The following HERC4 variants were observed in gnomAD, a reference collection of about 807,000 sequenced individuals.
HERC4 encodes probable E3 ubiquitin-protein ligase HERC4.
A neutral mutation model predicts 124.3 loss-of-function variants in HERC4; 28 were observed. The observed-to-expected ratio is 0.23, with a 90% CI of 0.17 to 0.31. The LOEUF (loss-of-function observed/expected upper bound fraction) is 0.31, where lower values mean the gene tolerates loss of function less well. Ranked by LOEUF, HERC4 falls within the 10% of genes least tolerant of loss-of-function variation. The probability of loss-of-function intolerance (pLI) is 1.00; values close to 1 mark genes in which losing one functional copy is unlikely to be tolerated. For missense variants in HERC4, 713 were observed against 1,229.3 expected, an observed-to-expected ratio of 0.58 and a Z score of 6.28; for synonymous variants, 407 against 421.5, an observed-to-expected ratio of 0.97 and a Z score of 0.42.
intron 4 of HERC4, among the ~76,000 whole-genome samples, chr10:68,044,178 C>T (rs1359890561): frequency 6.7e-6 from 1 of 149,526 alleles, no homozygotes; most frequent in Admixed American, 6.6e-5. Flanking sequence ...TTTTTACAGA[C>T]ATAAATTCTA....
intron 23 of HERC4, among the ~76,000 whole-genome samples, chr10:67,928,717 T>C (rs2031438268): frequency 6.6e-6 from 1 of 151,816 alleles, no homozygotes; most frequent in South Asian, 2.1e-4. Context: ...GGTCAGGAGT[T>C]CAAGACCAGC....
rs756509007 is a variant in HERC4, at chr10:68,044,493, T to C, written c.297A>G (p.Leu99=). Residue 99 remains leucine (L), a synonymous_variant, in exon 4 of 25, where the codon CTA becomes CTG. Transcript: ENST00000373700. The part of the protein sequence containing the change: ...VSCGEAHTLA[L]NDKGQVYAWG... The stretch of plus-strand genomic sequence containing the variant: ...AAGCATACACCTGGCCTTTGTCATT[T>C]AGCGCTAACGTATGAGCTTCTCCAC... 22 of 1,614,152 alleles carry C rather than the reference T, an allele frequency of 1.4e-5. No individual in the cohort carries two copies. The highest frequency in any genetic ancestry group is 3.3e-4 in the Middle Eastern group (2 of 6,062).
At chr10:68,071,990 A>G (rs1045009058) in intron 3 of HERC4, among the ~76,000 whole-genome samples, 11 of 152,344 alleles carry the variant, frequency 7.2e-5, no homozygotes, top group African/African-American at 2.4e-4. Context: ...TCAAAAGCTG[A>G]GTAACAACAG....
chr10:68,029,348 C>T (rs977464727), intron 7 of HERC4, among the ~76,000 whole-genome samples: 6 of 151,958 alleles, frequency 3.9e-5, no homozygotes, highest in African/African-American at 1.4e-4. Flanking sequence ...GAAAATTAGC[C>T]AGGTGTGGTG....
rs5785843 is a variant in HERC4, at chr10:68,039,152, C to CAA, written c.387-985_387-984dup. ...TGAAACACTGTCTCTACTGAAAATA[C>CAA]AAAAAAAAAAAAAAAAAATTAGCAG... is the stretch of plus-strand genomic sequence containing the variant. On this transcript the variant is annotated intron_variant, in intron 4 of 24. Transcript: ENST00000373700. 4.5e-3 allele frequency among the ~76,000 whole-genome samples: 523 copies of CAA among 115,266 alleles called. 2 individuals carry two copies. The highest frequency in any genetic ancestry group is 0.014 in the African/African-American group (479 of 34,080). 75.6% of individuals were successfully genotyped at this position (115,266 alleles called of 152,430 possible).
chr10:68,039,567 T>C (rs2039657967), intron 4 of HERC4: 1 of 1,529,690 alleles, frequency 6.5e-7, no homozygotes, highest in South Asian at 1.2e-5. Flanking sequence ...TATTTTTATT[T>C]AGTGAAGTTA....
At chr10:68,059,391 A>T (rs868471845) in intron 3 of HERC4, among the ~76,000 whole-genome samples, 5 of 144,426 alleles carry the variant, frequency 3.5e-5, no homozygotes, top group Middle Eastern at 3.6e-3. Context: ...TAGGTCTTGC[A>T]CATTTCTTAC....
intron 7 of HERC4, among the ~76,000 whole-genome samples, chr10:68,026,315 C>G (rs567896274): frequency 7.2e-5 from 11 of 152,016 alleles, no homozygotes; most frequent in Non-Finnish European, 1.3e-4. Context: ...AGGCTGGTCT[C>G]GAACTCCTGG....
intron 9 of HERC4, among the ~76,000 whole-genome samples, chr10:68,001,260 T>C (rs2037213429): frequency 6.6e-6 from 1 of 151,794 alleles, no homozygotes; most frequent in African/African-American, 2.4e-5. Context: ...TAGTTCCAGC[T>C]ACTTAGGAGG....
intron 15 of HERC4, among the ~76,000 whole-genome samples, chr10:67,968,988 T>C (rs2035067336): frequency 6.6e-6 from 1 of 152,210 alleles, no homozygotes; most frequent in Non-Finnish European, 1.5e-5. Context: ...TTCACTAAGA[T>C]AGACCAAATC....
At chr10:67,973,251 C>T (rs568606318) in intron 15 of HERC4, among the ~76,000 whole-genome samples, 1 of 152,102 alleles carries the variant, frequency 6.6e-6, no homozygotes, top group Admixed American at 6.5e-5. Context: ...AGAACAGCAC[C>T]AGCTAAAGAG....
chr10:67,962,097 T>C (rs1484781203), intron 16 of HERC4, among the ~76,000 whole-genome samples: 1 of 152,042 alleles, frequency 6.6e-6, no homozygotes, highest in Non-Finnish European at 1.5e-5. Context: ...CACAGCAAAA[T>C]TGAAAGTAAG....
chr10:68,028,226 ATTCT>A (rs1408876508), intron 7 of HERC4, among the ~76,000 whole-genome samples: 1 of 151,428 alleles, frequency 6.6e-6, no homozygotes, highest in Non-Finnish European at 1.5e-5. Flanking sequence ...AGAATACTTG[ATTCT>A]TTCCCATTAT....
Position 67,924,770 on chromosome 10 carries a change from T to C in HERC4, c.2941+315A>G, listed in dbSNP as rs917338909. ...CCCCATGTATGCCAAAGGATGACTA[T>C]ACTCCAGAGATCTTTTTAGAAATCT... On this transcript the variant is annotated intron_variant, in intron 24 of 24. Transcript: ENST00000373700. Among the ~76,000 whole-genome samples, 3 of 152,230 alleles carry C rather than the reference T, an allele frequency of 2.0e-5. No homozygotes were observed. In the South Asian group the frequency reaches 6.2e-4, roughly 31 times the overall value.
intron 16 of HERC4, 180 bp downstream of exon 16, chr10:67,966,503 T>C (rs920263744): frequency 4.0e-6 from 2 of 506,306 alleles, no homozygotes; most frequent in Non-Finnish European, 6.7e-6. Flanking sequence ...AAGAGTAGAA[T>C]GTTTGCATAT....
intron 15 of HERC4, among the ~76,000 whole-genome samples, chr10:67,984,325 C>G (rs1038311126): frequency 6.7e-6 from 1 of 150,034 alleles, no homozygotes; most frequent in Non-Finnish European, 1.5e-5. Context: ...AAAAGAGTGA[C>G]ATTCCTGTGT....
chr10:67,922,700 G>C lies in HERC4; in HGVS notation c.*231C>G. On this transcript the variant is annotated 3_prime_UTR_variant, in exon 25 of 25. Transcript: ENST00000373700. ...AAACTTTAATGTATTCATAATACTT[G>C]CTATGTTTATTAGAAGATGGTCAAA... 1 of 310,646 alleles carries C rather than the reference G, an allele frequency of 3.2e-6. No individual in the cohort carries two copies. Among genetic ancestry groups the C allele is most frequent in the Non-Finnish European group, 6.0e-6 (1 of 167,162 alleles). 19.2% of individuals were successfully genotyped at this position (310,646 alleles called of 1,614,324 possible).
At chr10:68,049,197 AT>A (rs1386096628) in intron 3 of HERC4, among the ~76,000 whole-genome samples, 3 of 152,064 alleles carry the variant, frequency 2.0e-5, no homozygotes, top group Non-Finnish European at 2.9e-5. Flanking sequence ...AAAAAAAAAA[AT>A]CAAGAAAAGA....
chr10:68,010,667 C>T (rs1290036215), intron 9 of HERC4: 30 of 1,469,486 alleles, frequency 2.0e-5, no homozygotes, highest in Non-Finnish European at 2.7e-5. Context: ...CCCACTTCTG[C>T]AGCAAGGGCC....
Sources: allele counts gnomAD v4.1 joint callset (sites outside exome capture counted in the v4.1 genomes callset), GRCh38; gene constraint gnomAD v4.1.1; transcripts MANE v1.5; gene names NCBI Gene and HGNC (gene_info 2026-07-23, HGNC 2026-07-21).